Variants in SEMA6D observed in about 807,000 individuals in gnomAD.
SEMA6D encodes semaphorin 6D, also known as semaphorin-6D.
In SEMA6D, 35 loss-of-function variants were observed where a neutral mutation model predicts 106.6. That is an observed-to-expected ratio of 0.33 (90% CI 0.25 to 0.44). The LOEUF (loss-of-function observed/expected upper bound fraction) is 0.44, where lower values mean the gene tolerates loss of function less well. Among genes scored for constraint, SEMA6D ranks in the 20% least tolerant of loss-of-function variants. SEMA6D has a pLI of 1.00. For missense variants in SEMA6D, 1,185 were observed against 1,345.9 expected (o/e 0.88, Z 1.87); for synonymous variants, 499 against 487.7 (o/e 1.02, Z -0.31).
chr15:47,497,759 AT>A (rs1209871776), intron 3 of SEMA6D, among the ~76,000 whole-genome samples: 3 of 152,056 alleles, frequency 2.0e-5, no homozygotes, highest in Non-Finnish European at 4.4e-5. Flanking sequence ...GTATCTTCTA[AT>A]TCTGTAAACT....
intron 1 of SEMA6D, among the ~76,000 whole-genome samples, chr15:47,203,867 G>T (rs950005247): frequency 2.0e-5 from 3 of 152,150 alleles, no homozygotes; most frequent in Non-Finnish European, 2.9e-5. Context: ...TTAAGAGACT[G>T]AAAATATTAT....
chr15:47,680,486 C>G (rs1869096891), intron 4 of SEMA6D, among the ~76,000 whole-genome samples: 1 of 152,054 alleles, frequency 6.6e-6, no homozygotes, highest in Admixed American at 6.6e-5. Flanking sequence ...GCATATTGCC[C>G]TTTCCTGGTG....
At chr15:47,562,763 A>AT (rs537772543) in intron 3 of SEMA6D, among the ~76,000 whole-genome samples, 1 of 152,128 alleles carries the variant, frequency 6.6e-6, no homozygotes, top group Non-Finnish European at 1.5e-5. Flanking sequence ...TTTAGAAACA[A>AT]TTTTTTAGTT....
chr15:47,532,202 T>G (rs1351035076), intron 3 of SEMA6D, among the ~76,000 whole-genome samples: 2 of 152,216 alleles, frequency 1.3e-5, no homozygotes, highest in Non-Finnish European at 2.9e-5. Context: ...CTGTCTTGGT[T>G]GACTGATGTC....
At chr15:47,683,450 G>A (rs769286024) in intron 4 of SEMA6D, among the ~76,000 whole-genome samples, 2 of 152,096 alleles carry the variant, frequency 1.3e-5, no homozygotes, top group Admixed American at 1.3e-4. Context: ...AAGCGCTAAT[G>A]TCCAAGTTCT....
chr15:47,759,770 G>C lies in SEMA6D; in HGVS notation c.-29G>C, dbSNP rs1237423034. The C allele has an allele frequency of 1.3e-6, 2 of 1,549,360 alleles. No homozygotes were observed. The highest frequency in any genetic ancestry group is 1.8e-6 in the Non-Finnish European group (2 of 1,121,368). ...GTAGCTCAGTGGCATTTCTGAGCAGGGGCCACCCTGACTTCACCTTGGCCC... is the reference window on the plus strand; with the variant it reads ...GTAGCTCAGTGGCATTTCTGAGCAGCGGCCACCCTGACTTCACCTTGGCCC... On this transcript the variant is annotated 5_prime_UTR_variant, in exon 2 of 19. Transcript: ENST00000536845.
At chr15:47,442,344 G>A (rs2041907713) in intron 2 of SEMA6D, among the ~76,000 whole-genome samples, 1 of 152,052 alleles carries the variant, frequency 6.6e-6, no homozygotes, top group Admixed American at 6.6e-5. Flanking sequence ...CTTCCATGAT[G>A]TACAGAAAGG....
At chr15:47,586,986 A>G (rs2076353356) in intron 3 of SEMA6D, among the ~76,000 whole-genome samples, 1 of 146,504 alleles carries the variant, frequency 6.8e-6, no homozygotes. Flanking sequence ...GCCAAAGGGT[A>G]GGCTAGAGGC....
At chr15:47,692,454 T>C (rs1307530249) in intron 4 of SEMA6D, among the ~76,000 whole-genome samples, 1 of 152,210 alleles carries the variant, frequency 6.6e-6, no homozygotes, top group Non-Finnish European at 1.5e-5. Flanking sequence ...GTCCACTTGC[T>C]GATTGCACAA....
intron 3 of SEMA6D, among the ~76,000 whole-genome samples, chr15:47,588,330 T>G (rs2076379549): frequency 6.6e-6 from 1 of 152,176 alleles, no homozygotes; most frequent in South Asian, 2.1e-4. Context: ...GGGACAGAAT[T>G]GTAGCCTGTT....
chr15:47,191,005 A>G lies in SEMA6D; in HGVS notation c.-239+6587A>G, dbSNP rs535976463. Among the ~76,000 whole-genome samples the G allele has an allele frequency of 4.6e-5, 7 of 152,144 alleles. No individual in the cohort carries two copies. The East Asian group carries it at 1.4e-3, about 30-fold the overall frequency. ...GGCAACATTCGGAGACCCTGTCTCTATAAATGATAATAGTAATAATAGCCG... is the reference window on the plus strand; with the variant it reads ...GGCAACATTCGGAGACCCTGTCTCTGTAAATGATAATAGTAATAATAGCCG... On this transcript the variant is annotated intron_variant, in intron 1 of 19. Coordinates refer to the SEMA6D transcript ENST00000558014.
chr15:47,306,148 ATTTTTTTG>A (rs2036223425), intron 1 of SEMA6D, among the ~76,000 whole-genome samples: 1 of 151,304 alleles, frequency 6.6e-6, no homozygotes. Context: ...TGCCCAACTA[ATTTTTTTG>A]TATTTTTTAG....
intron 4 of SEMA6D, among the ~76,000 whole-genome samples, chr15:47,615,539 AT>A (rs2076991721): frequency 6.6e-6 from 1 of 152,178 alleles, no homozygotes; most frequent in Non-Finnish European, 1.5e-5. Flanking sequence ...TCTTGTGTTT[AT>A]TTTGCAAAGA....
intron 1 of SEMA6D, among the ~76,000 whole-genome samples, chr15:47,363,407 C>T (rs1402127794): frequency 6.6e-6 from 1 of 151,060 alleles, no homozygotes; most frequent in African/African-American, 2.4e-5. Flanking sequence ...AGGTAAATTA[C>T]ATGTGGGGTG....
At chr15:47,766,777 T>A in intron 16 of SEMA6D, 100 bp downstream of exon 16, 2 of 808,392 alleles carry the variant, frequency 2.5e-6, no homozygotes, top group Non-Finnish European at 4.1e-6. Flanking sequence ...TCAGGACACA[T>A]ACCACCTAGC....
At chr15:47,390,232 C>A (rs539073372) in intron 1 of SEMA6D, among the ~76,000 whole-genome samples, 1 of 152,100 alleles carries the variant, frequency 6.6e-6, no homozygotes, top group African/African-American at 2.4e-5. Context: ...TACCAGTGGA[C>A]AATCTAGTAT....
intron 4 of SEMA6D, among the ~76,000 whole-genome samples, chr15:47,706,331 C>A (rs1021206400): frequency 1.3e-5 from 2 of 152,122 alleles, no homozygotes; most frequent in Non-Finnish European, 2.9e-5. Flanking sequence ...TTTATTCCTG[C>A]ATTTCATTTT....
chr15:47,589,313 G>A (rs1214851251), intron 3 of SEMA6D, among the ~76,000 whole-genome samples: 1 of 152,216 alleles, frequency 6.6e-6, no homozygotes, highest in Non-Finnish European at 1.5e-5. Flanking sequence ...AACAAATGTA[G>A]GTAAGGGGGC....
chr15:47,467,892 T>C (rs1379374831), intron 2 of SEMA6D, among the ~76,000 whole-genome samples: 1 of 152,088 alleles, frequency 6.6e-6, no homozygotes, highest in Non-Finnish European at 1.5e-5. Context: ...TCTGGAAAAA[T>C]TGTCTTTAAT....
Sources: allele counts gnomAD v4.1 joint callset (sites outside exome capture counted in the v4.1 genomes callset), GRCh38; gene constraint gnomAD v4.1.1; transcripts MANE v1.5; gene names NCBI Gene and HGNC (gene_info 2026-07-23, HGNC 2026-07-21).